The following CLEC4D variants were observed in gnomAD, a reference collection of about 807,000 sequenced individuals.
CLEC4D encodes C-type lectin domain family 4 member D.
CLEC4D carries 21 observed loss-of-function variants against 21.1 expected under a neutral mutation model. The observed-to-expected ratio is 1.00, with a 90% confidence interval of 0.71 to 1.43. The LOEUF is 1.43. Ranked by LOEUF, CLEC4D falls within the 40% of genes most tolerant of loss-of-function variation. CLEC4D has a pLI of 0.00. For synonymous variants in CLEC4D, 85 were observed against 83.1 expected (o/e 1.02, Z -0.12); for missense variants, 289 against 260.7 (o/e 1.11, Z -0.75).
In CLEC4D at chr12:8,513,700, G is replaced by C. The variant is rs73250517; in HGVS notation, c.-33G>C. On this transcript the variant is annotated 5_prime_UTR_variant, in exon 1 of 6. Coordinates refer to ENST00000299665, the MANE Select transcript of CLEC4D (RefSeq NM_080387.5). ...AAAAAAAATAGAACAAATTCTTGCC[G>C]TCCTGACCATTGAACAAGAGACTAA... is the stretch of plus-strand genomic sequence containing the variant. The C allele has an allele frequency of 7.8e-3, 7,630 of 980,268 alleles. 356 individuals are homozygous for C. The African/African-American group carries it at 0.1, about 13-fold the overall frequency. 60.7% of individuals were successfully genotyped at this position (980,268 alleles called of 1,614,324 possible).
intron 2 of CLEC4D, among the ~76,000 whole-genome samples, chr12:8,517,675 G>A (rs190059757): frequency 1.3e-5 from 2 of 152,118 alleles, no homozygotes; most frequent in East Asian, 1.9e-4. Flanking sequence ...GGCCGGACGC[G>A]GTGGCTCACG....
chr12:8,521,339 C>A lies in CLEC4D; in HGVS notation c.*68C>A. 2.0e-6 allele frequency: 3 copies of A among 1,536,162 alleles called. No individual in the cohort carries two copies. The South Asian group carries it at 3.8e-5, about 19-fold the overall frequency. On this transcript the variant is annotated 3_prime_UTR_variant, in exon 6 of 6. Coordinates refer to ENST00000299665, the MANE Select transcript of CLEC4D (RefSeq NM_080387.5). The stretch of plus-strand genomic sequence containing the variant: ...ACCAATTAGAATAAGGCAGAATGTA[C>A]GTGCGTCATTGGAACACAGAAAACA...
At chr12:8,531,017 C>T in the CLEC4D span, among the ~76,000 whole-genome samples, 1 of 152,200 alleles carries the variant, frequency 6.6e-6, no homozygotes, top group Non-Finnish European at 1.5e-5. Flanking sequence ...TGCCCGGTGC[C>T]CTGTGGCCCT....
At position 8,521,342 on chromosome 12, in the gene CLEC4D, G is replaced by A. The variant is rs960789125; in HGVS notation, c.*71G>A. 1.3e-6 allele frequency: 2 copies of A among 1,532,608 alleles called. No homozygotes were observed. The highest frequency in any genetic ancestry group is 1.7e-6 in the Non-Finnish European group (2 of 1,145,684). 94.9% of individuals were successfully genotyped at this position (1,532,608 alleles called of 1,614,324 possible). On this transcript the variant is annotated 3_prime_UTR_variant, in exon 6 of 6. Coordinates refer to ENST00000299665, the MANE Select transcript of CLEC4D (RefSeq NM_080387.5). ...AATTAGAATAAGGCAGAATGTACGT[G>A]CGTCATTGGAACACAGAAAACATGC...
rs145561790 is a variant in CLEC4D at position 8,518,211 on chromosome 12, A to T, written c.169A>T (p.Lys57Ter). The stretch of plus-strand genomic sequence containing the variant: ...CTGTAAGAGAGGCACAGGAGTGCAC[A>T]AGTTAGAGCACCATGCAAAGCTCAA... Reference protein sequence around the residue: ...SRCKRGTGVHKLEHHAKLKCI... With the variant: ...SRCKRGTGVH The change falls in exon 3 of 6, where the codon AAG (lysine) becomes TAG (stop). Residue 57 changes from lysine to a stop codon, truncating the protein, a stop_gained. Transcript: ENST00000299665. LOFTEE classifies it high-confidence loss of function. 6.4e-5 allele frequency: 93 copies of T among 1,446,634 alleles called. No homozygotes were observed. Among genetic ancestry groups the T allele is most frequent in the Non-Finnish European group, 8.5e-5 (87 of 1,027,440 alleles). The allele number at this position is 1,446,634 out of a possible 1,614,324, so 89.6% of individuals were successfully genotyped here.
chr12:8,521,369 G>C lies in CLEC4D; in HGVS notation c.*98G>C. ...GTCATTGGAACACAGAAAACATGCT[G>C]GTTCATACAGCGTTTTTAGTCATAA... On this transcript the variant is annotated 3_prime_UTR_variant, in exon 6 of 6. Coordinates refer to ENST00000299665, the MANE Select transcript of CLEC4D (RefSeq NM_080387.5). The C allele has an allele frequency of 2.0e-6, 3 of 1,496,858 alleles. No homozygotes were observed. The highest frequency in any genetic ancestry group is 2.7e-6 in the Non-Finnish European group (3 of 1,129,860). 92.7% of individuals were successfully genotyped at this position (1,496,858 alleles called of 1,614,324 possible).
At position 8,521,479 on chromosome 12, in the gene CLEC4D, T is replaced by C. The variant is rs1355840358; in HGVS notation, c.*208T>C. 6.8e-6 allele frequency: 7 copies of C among 1,022,942 alleles called. No homozygotes were observed. The highest frequency in any genetic ancestry group is 6.5e-5 in the African/African-American group (4 of 61,916). 63.4% of individuals were successfully genotyped at this position (1,022,942 alleles called of 1,614,324 possible). On this transcript the variant is annotated 3_prime_UTR_variant, in exon 6 of 6. Transcript: ENST00000299665. The stretch of plus-strand genomic sequence containing the variant: ...GTGTGTAGATAATGTGGTTTTTGTA[T>C]GGTGTTTGATGGAAGGAATAATCTT...
At chr12:8,517,650 G>C (rs140855161) in intron 2 of CLEC4D, among the ~76,000 whole-genome samples, 1 of 152,122 alleles carries the variant, frequency 6.6e-6, no homozygotes, top group African/African-American at 2.4e-5. Flanking sequence ...AACTTCTCCC[G>C]TAAAGAACAA....
chr12:8,517,101 A>AAGAGTGGTTACCTGTAAAGG (rs1184244885), intron 2 of CLEC4D, among the ~76,000 whole-genome samples: 2 of 152,148 alleles, frequency 1.3e-5, no homozygotes. Flanking sequence ...TTTAAAAGCC[A>AAGAGTGGTTACCTGTAAAGG]AGAGTGGTTA....
In CLEC4D at chr12:8,521,087, T is replaced by A. The variant is rs780661096; in HGVS notation, c.501-37T>A. On this transcript the variant is annotated intron_variant, in intron 5 of 5. Coordinates refer to ENST00000299665, the MANE Select transcript of CLEC4D (RefSeq NM_080387.5). The stretch of plus-strand genomic sequence containing the variant: ...ACCTATAATCTACATTGTCTATATA[T>A]ACCTATAAATCTCTATCTATGTTGT... 10 of 1,600,864 alleles carry A rather than the reference T, an allele frequency of 6.2e-6. No homozygotes were observed. The African/African-American group carries it at 1.2e-4, about 19-fold the overall frequency.
chr12:8,515,167 C>A (rs1393454295), intron 1 of CLEC4D, 69 bp from the exon 2 acceptor site: 1 of 842,750 alleles, frequency 1.2e-6, no homozygotes, highest in East Asian at 2.4e-5. Flanking sequence ...TAGATTGCTC[C>A]TTGGTAGAAT....
At chr12:8,523,622 A>G (rs11046049), downstream of CLEC4D, among the ~76,000 whole-genome samples, 8,877 of 152,268 alleles carry the variant, frequency 0.058, 473 homozygotes, top group African/African-American at 0.14. Flanking sequence ...TTTTCTAAAT[A>G]TAAAATAATG....
chr12:8,514,030 G>A (rs1940343749), intron 1 of CLEC4D, among the ~76,000 whole-genome samples: 1 of 151,900 alleles, frequency 6.6e-6, no homozygotes, highest in Non-Finnish European at 1.5e-5. Context: ...AATATGAGAA[G>A]ATTCTTTTAA....
At chr12:8,519,432 T>C (rs1053451468) in intron 4 of CLEC4D, among the ~76,000 whole-genome samples, 20 of 152,312 alleles carry the variant, frequency 1.3e-4, no homozygotes, top group African/African-American at 4.6e-4. Flanking sequence ...CTGTAGGACT[T>C]TGTGCACAAC....
chr12:8,520,322 C>T lies in CLEC4D; in HGVS notation c.481C>T (p.Pro161Ser). Residue 161 changes from proline (P) to serine (S), a missense_variant, in exon 5 of 6, where the codon CCA becomes TCA. Physicochemically the swap from Pro to Ser is moderately conservative, Grantham distance 74. Coordinates refer to ENST00000299665, the MANE Select transcript of CLEC4D (RefSeq NM_080387.5). ...KGQWRWVDQTPFNPRRVFWHK... is the reference protein window; with the variant it reads ...KGQWRWVDQTSFNPRRVFWHK... Reference sequence around the variant, plus strand: ...TCAGTGGCGTTGGGTGGACCAGACGCCATTTAACCCACGCAGAGTGTAAGT... The same window carrying T: ...TCAGTGGCGTTGGGTGGACCAGACGTCATTTAACCCACGCAGAGTGTAAGT... 1.2e-6 allele frequency: 2 copies of T among 1,613,772 alleles called. No individual in the cohort carries two copies. Among genetic ancestry groups the T allele is most frequent in the Non-Finnish European group, 1.7e-6 (2 of 1,179,794 alleles).
chr12:8,515,707 C>T (rs1304808575), intron 2 of CLEC4D, among the ~76,000 whole-genome samples: 2 of 152,104 alleles, frequency 1.3e-5, no homozygotes, highest in Admixed American at 6.5e-5. Context: ...TGTTCTCTCT[C>T]TCTCTTTCCC....
intron 1 of CLEC4D, among the ~76,000 whole-genome samples, chr12:8,515,000 TCTTA>T (rs951355989): frequency 2.0e-5 from 3 of 152,110 alleles, no homozygotes; most frequent in African/African-American, 7.2e-5. Context: ...GGGTTTTGTA[TCTTA>T]CTTATAAAAT....
chr12:8,518,941 T>G, intron 3 of CLEC4D, 68 bp from the exon 4 acceptor site: 1 of 1,549,754 alleles, frequency 6.5e-7, no homozygotes, highest in South Asian at 1.3e-5. Flanking sequence ...GGTAGTAGAA[T>G]AGTTATGCAA....
chr12:8,527,033 A>G (rs1445215263), downstream of CLEC4D, among the ~76,000 whole-genome samples: 1 of 152,040 alleles, frequency 6.6e-6, no homozygotes, highest in East Asian at 1.9e-4. Flanking sequence ...GATGTCACTC[A>G]AGGAGGCTGG....
Sources: gnomAD v4.1 joint callset for allele counts (sites outside exome capture counted in the v4.1 genomes callset) on GRCh38, gnomAD v4.1.1 for gene constraint, MANE v1.5 for transcripts, NCBI Gene and HGNC (gene_info 2026-07-23, HGNC 2026-07-21) for gene names.